The following MRAP2 variants were observed in gnomAD, a reference collection of about 807,000 sequenced individuals.
MRAP2 encodes the protein melanocortin-2 receptor accessory protein 2.
Under a neutral mutation model 17.4 loss-of-function variants are expected in MRAP2, and 20 were observed. The observed-to-expected ratio is 1.15, with a 90% CI of 0.81 to 1.67. The LOEUF (loss-of-function observed/expected upper bound fraction) is 1.67. MRAP2 is among the 40% of genes most tolerant of loss of function. MRAP2 has a pLI of 0.00. For missense variants in MRAP2, 238 were observed against 240.0 expected (o/e 0.99, Z 0.05); for synonymous variants, 96 against 88.4 (o/e 1.09, Z -0.48).
chr6:84,122,235 T>C, the MRAP2 span, among the ~76,000 whole-genome samples: 1 of 149,890 alleles, frequency 6.7e-6, no homozygotes, highest in Non-Finnish European at 1.5e-5. Flanking sequence ...GTCACCCTGA[T>C]ACCAACAATC....
Position 84,065,051 on chromosome 6 carries a change from G to A in MRAP2, c.227+2059G>A, listed in dbSNP as rs552823790. Among the ~76,000 whole-genome samples, 91 of 152,268 alleles carry A rather than the reference G, an allele frequency of 6.0e-4. 1 individual carries two copies. Among genetic ancestry groups the A allele is most frequent in the South Asian group, 2.5e-3 (12 of 4,826 alleles). The stretch of plus-strand genomic sequence containing the variant: ...CGTAATCCCAACAGTTCTGGAGGTC[G>A]AAGTGAGAGGATTGCTTGAGCTGAG... On this transcript the variant is annotated intron_variant, in intron 3 of 3. Transcript: ENST00000257776.
At position 84,046,780 on chromosome 6, in the gene MRAP2, C is replaced by CAAAA. The variant is rs756963425; in HGVS notation, c.-7-8509_-7-8506dup. ...TGGGCAACAGAGCGAAACTCCATCT[C>CAAAA]AAAAAAAAAAAAAAAAAAAAAAAAA... is the stretch of plus-strand genomic sequence containing the variant. On this transcript the variant is annotated intron_variant, in intron 1 of 3. Transcript: ENST00000257776. Among the ~76,000 whole-genome samples, 15 of 23,154 alleles carry CAAAA rather than the reference C, an allele frequency of 6.5e-4. 1 individual carries two copies. The highest frequency in any genetic ancestry group is 3.8e-3 in the South Asian group (2 of 530). The allele number at this position is 23,154 out of a possible 152,430, so 15.2% of individuals were successfully genotyped here.
chr6:84,133,565 C>T, the MRAP2 span, among the ~76,000 whole-genome samples: 15 of 152,198 alleles, frequency 9.9e-5, no homozygotes, highest in African/African-American at 1.9e-4. Context: ...TCAGCAACGG[C>T]GGATGCCCCT....
At chr6:84,059,198 G>A (rs1225787639) in intron 2 of MRAP2, among the ~76,000 whole-genome samples, 1 of 152,204 alleles carries the variant, frequency 6.6e-6, no homozygotes, top group African/African-American at 2.4e-5. Context: ...TGAGCTATCA[G>A]TGGTGGCCAA....
intron 1 of MRAP2, among the ~76,000 whole-genome samples, chr6:84,051,491 A>G (rs2099490402): frequency 6.6e-6 from 1 of 152,172 alleles, no homozygotes; most frequent in South Asian, 2.1e-4. Flanking sequence ...CAGGAGGCAG[A>G]GGTGGCAGTG....
At chr6:84,091,691 C>T (rs1021736254), downstream of MRAP2, among the ~76,000 whole-genome samples, 15 of 152,130 alleles carry the variant, frequency 9.9e-5, no homozygotes, top group African/African-American at 3.6e-4. Flanking sequence ...CAGACAAATA[C>T]CCATGACTAT....
chr6:84,089,030 A>G (rs1452507500), intron 3 of MRAP2, 61 bp from the exon 4 acceptor site: 19 of 1,528,636 alleles, frequency 1.2e-5, no homozygotes, highest in Non-Finnish European at 3.5e-6. Context: ...GCAGAAAACC[A>G]TGATTCTGCA....
At chr6:84,071,861 AT>A (rs1357344493) in intron 3 of MRAP2, among the ~76,000 whole-genome samples, 4 of 152,066 alleles carry the variant, frequency 2.6e-5, no homozygotes, top group Non-Finnish European at 5.9e-5. Flanking sequence ...TACTTGTTCA[AT>A]TCTATTGCTC....
At chr6:84,075,821 C>T (rs1335553853) in intron 3 of MRAP2, among the ~76,000 whole-genome samples, 3 of 152,094 alleles carry the variant, frequency 2.0e-5, no homozygotes, top group Admixed American at 2.0e-4. Flanking sequence ...TCTTGAATAG[C>T]AATTTACCTG....
At chr6:84,093,589 AG>A (rs898411481), downstream of MRAP2, among the ~76,000 whole-genome samples, 21 of 150,192 alleles carry the variant, frequency 1.4e-4, no homozygotes, top group African/African-American at 5.1e-4. Flanking sequence ...GGAAAAGGGC[AG>A]GCTGCTCCCT....
At chr6:84,057,028 A>G (rs2099491861) in intron 2 of MRAP2, among the ~76,000 whole-genome samples, 1 of 152,232 alleles carries the variant, frequency 6.6e-6, no homozygotes, top group African/African-American at 2.4e-5. Flanking sequence ...TCACGTCAAG[A>G]TAAAACAAAA....
intron 3 of MRAP2, among the ~76,000 whole-genome samples, chr6:84,080,840 A>C (rs1334133707): frequency 6.6e-6 from 1 of 152,244 alleles, no homozygotes; most frequent in Non-Finnish European, 1.5e-5. Context: ...AAGGCAACCA[A>C]TTAATAAATC....
the MRAP2 span, among the ~76,000 whole-genome samples, chr6:84,139,924 C>T: frequency 9.7e-6 from 1 of 103,110 alleles, no homozygotes; most frequent in Non-Finnish European, 1.7e-5. Flanking sequence ...GTTCCAGCCA[C>T]CCTCTCAGGC....
chr6:84,037,285 C>T lies in MRAP2; in HGVS notation c.-8+3402C>T, dbSNP rs140758888. Among the ~76,000 whole-genome samples, 180 of 147,104 alleles carry T rather than the reference C, an allele frequency of 1.2e-3. 2 individuals carry two copies. In the East Asian group the frequency reaches 0.022, roughly 18 times the overall value. ...AAGTCCCCACCAGATTAGCTAGATA[C>T]AGAGTGCTGATTGGTGCATCCACGA... On this transcript the variant is annotated intron_variant, in intron 1 of 3. Coordinates refer to ENST00000257776, the MANE Select transcript of MRAP2 (RefSeq NM_138409.4).
downstream of MRAP2, among the ~76,000 whole-genome samples, chr6:84,091,988 A>C (rs538223091): frequency 6.6e-6 from 1 of 152,350 alleles, no homozygotes; most frequent in Non-Finnish European, 1.5e-5. Context: ...GTCTAAAATC[A>C]GTTTCAGTGG....
At chr6:84,099,447 C>G in the MRAP2 span, among the ~76,000 whole-genome samples, 2 of 152,132 alleles carry the variant, frequency 1.3e-5, no homozygotes, top group African/African-American at 4.8e-5. Flanking sequence ...TTTGCCCCCT[C>G]CAAATCTCAT....
chr6:84,038,016 T>A (rs2099486599), intron 1 of MRAP2, among the ~76,000 whole-genome samples: 1 of 152,194 alleles, frequency 6.6e-6, no homozygotes, highest in Non-Finnish European at 1.5e-5. Context: ...GAGGGTGAGT[T>A]GAGCTGTCCA....
intron 3 of MRAP2, among the ~76,000 whole-genome samples, chr6:84,080,134 C>T (rs189589986): frequency 9.2e-5 from 14 of 152,050 alleles, no homozygotes; most frequent in East Asian, 1.9e-4. Flanking sequence ...CCCGGGTTCA[C>T]GCCATTCTTC....
At chr6:84,128,517 G>A in the MRAP2 span, among the ~76,000 whole-genome samples, 4 of 152,046 alleles carry the variant, frequency 2.6e-5, no homozygotes, top group Admixed American at 6.6e-5. Flanking sequence ...GGGTTCTAAC[G>A]GTGGCACTTC....
Sources: gnomAD v4.1 joint callset for allele counts (sites outside exome capture counted in the v4.1 genomes callset) on GRCh38, gnomAD v4.1.1 for gene constraint, MANE v1.5 for transcripts, NCBI Gene and HGNC (gene_info 2026-07-23, HGNC 2026-07-21) for gene names.